The following SH3D19 variants were observed in gnomAD, a reference collection of about 807,000 sequenced individuals.
SH3D19 encodes the protein SH3 domain containing 19, also known as SH3 domain-containing protein 19.
SH3D19 carries 58 observed loss-of-function variants against 112.1 expected under a neutral mutation model. That is an observed-to-expected ratio of 0.52 (90% CI 0.42 to 0.64). The LOEUF is 0.64. Among genes scored for constraint, SH3D19 ranks in the 30% least tolerant of loss-of-function variants. SH3D19 has a pLI of 0.00. For missense variants in SH3D19, 1,090 were observed against 1,263.4 expected (o/e 0.86, Z 2.08); for synonymous variants, 391 against 448.5 (o/e 0.87, Z 1.62).
intron 1 of SH3D19, among the ~76,000 whole-genome samples, chr4:151,286,165 A>C (rs1383771738): frequency 7.4e-6 from 1 of 134,810 alleles, no homozygotes; most frequent in Non-Finnish European, 1.6e-5. Flanking sequence ...TGGGTGACAC[A>C]GTGAGACCCT....
chr4:151,177,856 G>C (rs1473052337), intron 4 of SH3D19, among the ~76,000 whole-genome samples: 1 of 152,172 alleles, frequency 6.6e-6, no homozygotes, highest in Non-Finnish European at 1.5e-5. Flanking sequence ...TTTAATACTG[G>C]AGAGCTATAG....
At chr4:151,237,256 A>ATG (rs1770164252) in intron 1 of SH3D19, among the ~76,000 whole-genome samples, 1 of 152,132 alleles carries the variant, frequency 6.6e-6, no homozygotes, top group African/African-American at 2.4e-5. Flanking sequence ...AAGACCAAGA[A>ATG]CCCGCCAATT....
rs745329310 is a variant in SH3D19, at chr4:151,174,945, G to A, written c.1259C>T (p.Pro420Leu). 2.9e-5 allele frequency: 46 copies of A among 1,613,890 alleles called. No homozygotes were observed. Among genetic ancestry groups the A allele is most frequent in the Non-Finnish European group, 3.6e-5 (43 of 1,179,896 alleles). The change falls in exon 7 of 20, where the codon CCG (proline) becomes CTG (leucine). Residue 420 changes from proline to leucine, a missense_variant. Pro to Leu is a moderately conservative substitution (Grantham distance 98). Transcript: ENST00000604030. ...AGATTTCTTCAGCAGCAAAGGCCGC[G>A]GGGCAGGAGTTGGCACTTTCTTCCC... ...DSGKKVPTPA[P>L]RPLLLKKSVS...
chr4:151,200,113 A>G (rs976664414), intron 2 of SH3D19, among the ~76,000 whole-genome samples: 4 of 152,172 alleles, frequency 2.6e-5, no homozygotes, highest in African/African-American at 7.2e-5. Flanking sequence ...CTGGTGTCTT[A>G]TCTTGAACTT....
At chr4:151,221,894 C>A (rs12503016) in intron 2 of SH3D19, among the ~76,000 whole-genome samples, 13,713 of 152,206 alleles carry the variant, frequency 0.09, 869 homozygotes, top group East Asian at 0.19. Context: ...AAGTCCACAA[C>A]AATGGACCCT....
chr4:151,222,344 A>G (rs1476720770), intron 2 of SH3D19, among the ~76,000 whole-genome samples: 1 of 152,206 alleles, frequency 6.6e-6, no homozygotes, highest in Non-Finnish European at 1.5e-5. Flanking sequence ...ACCAATTATT[A>G]ACAGTTTCCA....
chr4:151,290,633 T>C (rs1775228931), intron 1 of SH3D19, among the ~76,000 whole-genome samples: 1 of 152,182 alleles, frequency 6.6e-6, no homozygotes, highest in South Asian at 2.1e-4. Context: ...TGTACAACAC[T>C]GTAAATATAC....
chr4:151,147,819 A>C (rs1561228971), intron 11 of SH3D19, 103 bp downstream of exon 11: 10 of 1,431,374 alleles, frequency 7.0e-6, no homozygotes, highest in Middle Eastern at 2.2e-4. Flanking sequence ...GTCAAGGGAC[A>C]ATTCCACATT....
chr4:151,229,327 T>G (rs1486688795), intron 1 of SH3D19, among the ~76,000 whole-genome samples: 1 of 152,170 alleles, frequency 6.6e-6, no homozygotes, highest in Non-Finnish European at 1.5e-5. Flanking sequence ...ATAAAATGCC[T>G]TAACTCTAAA....
At chr4:151,307,487 C>A (rs1312777850) in intron 1 of SH3D19, among the ~76,000 whole-genome samples, 1 of 152,260 alleles carries the variant, frequency 6.6e-6, no homozygotes, top group Non-Finnish European at 1.5e-5. Context: ...CGTCTGGGCG[C>A]CAACCCTTAG....
chr4:151,304,427 G>A (rs979818983), intron 1 of SH3D19, among the ~76,000 whole-genome samples: 3 of 152,096 alleles, frequency 2.0e-5, no homozygotes, highest in Non-Finnish European at 2.9e-5. Context: ...ATGTTAGCCT[G>A]CATTCCTGGT....
intron 3 of SH3D19, among the ~76,000 whole-genome samples, chr4:151,184,466 C>CTT (rs1761427131): frequency 6.6e-6 from 1 of 152,130 alleles, no homozygotes; most frequent in Non-Finnish European, 1.5e-5. Flanking sequence ...ATCAGGAATA[C>CTT]AAGTATTTCT....
chr4:151,281,019 A>G (rs1774170412), intron 1 of SH3D19, among the ~76,000 whole-genome samples: 1 of 152,138 alleles, frequency 6.6e-6, no homozygotes. Context: ...ATAAAGGGGG[A>G]AAAACAGGAA....
chr4:151,139,882 C>T (rs760683102), intron 12 of SH3D19, 35 bp from the exon 13 acceptor site: 2 of 1,600,328 alleles, frequency 1.2e-6, no homozygotes, highest in Non-Finnish European at 8.6e-7. Context: ...ATGAAGTGTG[C>T]AGGATAGATG....
rs1756741483 is a variant in SH3D19, at chr4:151,159,363, T to C, written c.1643-11A>G. 1 of 1,428,486 alleles carries C rather than the reference T, an allele frequency of 7.0e-7. No homozygotes were observed. Among genetic ancestry groups the C allele is most frequent in the Non-Finnish European group, 9.6e-7 (1 of 1,039,286 alleles). 88.5% of individuals were successfully genotyped at this position (1,428,486 alleles called of 1,614,324 possible). On this transcript the variant is annotated splice_polypyrimidine_tract_variant and intron_variant, in intron 8 of 19. Transcript: ENST00000604030. ...GATCCTCATGTAAACCTGGAAAAAG[T>C]AGCAGTAATTCATCAATAATTTCTA...
At chr4:151,193,570 T>C (rs754696315) in intron 2 of SH3D19, among the ~76,000 whole-genome samples, 4 of 152,234 alleles carry the variant, frequency 2.6e-5, no homozygotes, top group Non-Finnish European at 5.9e-5. Flanking sequence ...TTCACTGGTA[T>C]GCCGCTAAAT....
intron 6 of SH3D19, 131 bp from the exon 7 acceptor site, chr4:151,175,805 T>C (rs1759850855): frequency 1.2e-5 from 10 of 839,540 alleles, no homozygotes; most frequent in Admixed American, 4.3e-5. Context: ...TGGTTTCTTT[T>C]AATTAGTAAA....
chr4:151,134,727 C>T (rs546550601), intron 15 of SH3D19, among the ~76,000 whole-genome samples: 123 of 152,304 alleles, frequency 8.1e-4, no homozygotes, highest in African/African-American at 2.6e-3. Context: ...CTTCTATCAG[C>T]AGGTTCATGA....
chr4:151,291,272 C>T, intron 1 of SH3D19: 1 of 1,613,962 alleles, frequency 6.2e-7, no homozygotes, highest in Non-Finnish European at 8.5e-7. Context: ...ATTTCAAGAG[C>T]CAACAATCTA....
Sources: allele counts gnomAD v4.1 joint callset (sites outside exome capture counted in the v4.1 genomes callset), GRCh38; gene constraint gnomAD v4.1.1; transcripts MANE v1.5; gene names NCBI Gene and HGNC (gene_info 2026-07-23, HGNC 2026-07-21).